Variants in TAX1BP1 observed in about 807,000 individuals in gnomAD.
TAX1BP1 encodes tax1-binding protein 1.
In TAX1BP1, 62 loss-of-function variants were observed where a neutral mutation model predicts 97.7. That is an observed-to-expected ratio of 0.63 (90% CI 0.52 to 0.78). TAX1BP1 has a LOEUF of 0.78. TAX1BP1 is among the 30% of genes least tolerant of loss of function. TAX1BP1 has a pLI of 0.00. For synonymous variants in TAX1BP1, 340 were observed against 304.2 expected (o/e 1.12, Z -1.23); for missense variants, 867 against 916.1 (o/e 0.95, Z 0.69).
At chr7:27,783,067 G>C (rs1436997641) in intron 5 of TAX1BP1, among the ~76,000 whole-genome samples, 2 of 152,094 alleles carry the variant, frequency 1.3e-5, no homozygotes, top group East Asian at 1.9e-4. Context: ...GTTTAGGAGT[G>C]GGAGGAAAGT....
chr7:27,781,648 G>A (rs1789263214), intron 5 of TAX1BP1, among the ~76,000 whole-genome samples: 1 of 152,032 alleles, frequency 6.6e-6, no homozygotes, highest in Non-Finnish European at 1.5e-5. Flanking sequence ...AAGGCCCAGG[G>A]CATTGCTGTA....
chr7:27,785,055 A>G, intron 5 of TAX1BP1, 108 bp from the exon 6 acceptor site: 1 of 1,146,010 alleles, frequency 8.7e-7, no homozygotes, highest in Non-Finnish European at 1.2e-6. Flanking sequence ...GAGGGAACAA[A>G]TGTGGGATTA....
At chr7:27,754,579 CGTTTTTGTTTTT>C (rs1343892593) in intron 2 of TAX1BP1, among the ~76,000 whole-genome samples, 2 of 151,276 alleles carry the variant, frequency 1.3e-5, no homozygotes, top group Non-Finnish European at 3.0e-5. Flanking sequence ...TTTTTGTTTT[CGTTTTTGTTTTT>C]TGAGACAGTC....
intron 7 of TAX1BP1, among the ~76,000 whole-genome samples, chr7:27,786,511 T>C (rs933488504): frequency 5.3e-5 from 8 of 152,274 alleles, no homozygotes; most frequent in Non-Finnish European, 1.2e-4. Context: ...TTGAGACTTA[T>C]TTTTTTAAGT....
At chr7:27,761,788 T>G (rs1337448700) in intron 3 of TAX1BP1, among the ~76,000 whole-genome samples, 1 of 152,244 alleles carries the variant, frequency 6.6e-6, no homozygotes, top group African/African-American at 2.4e-5. Flanking sequence ...CAATAAACAC[T>G]CTTGTGCAAG....
chr7:27,807,645 T>C (rs1376106449), intron 13 of TAX1BP1, among the ~76,000 whole-genome samples: 1 of 152,166 alleles, frequency 6.6e-6, no homozygotes, highest in African/African-American at 2.4e-5. Flanking sequence ...GATATAAAAT[T>C]AATATTTTCC....
intron 15 of TAX1BP1, among the ~76,000 whole-genome samples, chr7:27,823,558 T>G (rs1791058735): frequency 6.6e-6 from 1 of 152,196 alleles, no homozygotes; most frequent in African/African-American, 2.4e-5. Flanking sequence ...TGATACAGAT[T>G]ATGTAACTCA....
At chr7:27,827,953 C>T in intron 16 of TAX1BP1, 133 bp downstream of exon 16, 1 of 660,828 alleles carries the variant, frequency 1.5e-6, no homozygotes, top group Non-Finnish European at 2.6e-6. Context: ...CAGGCGTAGG[C>T]CCAGCAATAT....
chr7:27,793,917 A>T (rs1333309600), intron 10 of TAX1BP1, among the ~76,000 whole-genome samples: 1 of 152,166 alleles, frequency 6.6e-6, no homozygotes, highest in Non-Finnish European at 1.5e-5. Context: ...TACTTTTTTA[A>T]ATCAGAGGAG....
At chr7:27,766,720 G>A (rs1788661411) in intron 4 of TAX1BP1, among the ~76,000 whole-genome samples, 1 of 152,084 alleles carries the variant, frequency 6.6e-6, no homozygotes, top group Admixed American at 6.6e-5. Context: ...TACCGATTTG[G>A]GGATGAAGCT....
chr7:27,751,077 A>T (rs1488423341), intron 2 of TAX1BP1, among the ~76,000 whole-genome samples: 1 of 152,122 alleles, frequency 6.6e-6, no homozygotes, highest in Non-Finnish European at 1.5e-5. Context: ...ATAAGATTTT[A>T]TTTCCAGCTT....
chr7:27,802,170 G>T (rs187107085), intron 13 of TAX1BP1, among the ~76,000 whole-genome samples: 4 of 152,312 alleles, frequency 2.6e-5, no homozygotes, highest in Admixed American at 1.3e-4. Flanking sequence ...GTTTTAGAAG[G>T]CCTAAAATGG....
At chr7:27,752,866 A>C (rs943674808) in intron 2 of TAX1BP1, among the ~76,000 whole-genome samples, 1 of 152,246 alleles carries the variant, frequency 6.6e-6, no homozygotes, top group Non-Finnish European at 1.5e-5. Context: ...GTAAATTGGC[A>C]TTCAATAATT....
chr7:27,745,592 T>G (rs1168971527), intron 1 of TAX1BP1, among the ~76,000 whole-genome samples: 1 of 152,190 alleles, frequency 6.6e-6, no homozygotes, highest in Non-Finnish European at 1.5e-5. Flanking sequence ...TTAAAAAGAT[T>G]GGAGTGTTGG....
Position 27,787,449 on chromosome 7 carries a change from C to A in TAX1BP1, c.884C>A (p.Thr295Asn). ...VHLKNTEIEN[T>N]KLMSEVQTLK... is the part of the protein sequence containing the mutation. Reference sequence around the variant, plus strand: ...TTGAAGAATACAGAAATAGAAAATACCAAGCTTATGTCAGAGGTCCAGACT... The same window carrying A: ...TTGAAGAATACAGAAATAGAAAATAACAAGCTTATGTCAGAGGTCCAGACT... The change falls in exon 8 of 17, where the codon ACC becomes AAC. Residue 295 changes from threonine to asparagine, a missense_variant. Physicochemically the swap from Thr to Asn is moderately conservative, Grantham distance 65 (BLOSUM62 0). Coordinates refer to ENST00000396319, the MANE Select transcript of TAX1BP1 (RefSeq NM_006024.7). The A allele has an allele frequency of 6.2e-7, 1 of 1,609,594 alleles. No individual in the cohort carries two copies. The highest frequency in any genetic ancestry group is 1.3e-5 in the African/African-American group (1 of 74,716).
intron 2 of TAX1BP1, among the ~76,000 whole-genome samples, chr7:27,755,462 A>T (rs57932688): frequency 1.3e-5 from 2 of 151,588 alleles, no homozygotes; most frequent in African/African-American, 4.9e-5. Flanking sequence ...CTTTTTCTCA[A>T]TGTTTCTCCA....
intron 3 of TAX1BP1, 192 bp downstream of exon 3, chr7:27,758,325 T>G: frequency 2.6e-6 from 1 of 382,730 alleles, no homozygotes; most frequent in Non-Finnish European, 4.7e-6. Flanking sequence ...ATGTAGACAT[T>G]TAAAAGTTAT....
At chr7:27,787,385 G>C in intron 7 of TAX1BP1, 33 bp from the exon 8 acceptor site, 1 of 1,544,386 alleles carries the variant, frequency 6.5e-7, no homozygotes, top group Non-Finnish European at 8.7e-7. Flanking sequence ...CATGGAGTTA[G>C]AATATTCTTG....
rs188289550 is a variant in TAX1BP1, at chr7:27,761,336, A to G, written c.265+3203A>G. On this transcript the variant is annotated intron_variant, in intron 3 of 16. Transcript: ENST00000396319. ...GATGGACCAATATTAATACACTATT[A>G]TTGTCTGAGTTCATAGTTTACATCA... is the stretch of plus-strand genomic sequence containing the variant. Among the ~76,000 whole-genome samples, 85 of 152,280 alleles carry G rather than the reference A, an allele frequency of 5.6e-4. 1 individual carries two copies. The highest frequency in any genetic ancestry group is 3.4e-3 in the Middle Eastern group (1 of 294).
Sources: allele counts gnomAD v4.1 joint callset (sites outside exome capture counted in the v4.1 genomes callset), GRCh38; gene constraint gnomAD v4.1.1; transcripts MANE v1.5; gene names NCBI Gene and HGNC (gene_info 2026-07-23, HGNC 2026-07-21).